Variants in MCM9 observed in about 807,000 individuals in gnomAD.
The protein encoded by MCM9 is DNA helicase MCM9.
In MCM9, 55 loss-of-function variants were observed where a neutral mutation model predicts 72.8. The ratio of observed to expected loss-of-function variants is 0.76; its 90% CI spans 0.61 to 0.95. MCM9 has a LOEUF of 0.95. Ranked by LOEUF, MCM9 falls within the 40% of genes least tolerant of loss-of-function variation. The pLI, the probability that MCM9 is intolerant of heterozygous loss-of-function variation, is 0.00. For synonymous variants in MCM9, 480 were observed against 503.4 expected, an observed-to-expected ratio of 0.95 and a Z score of 0.62; for missense variants, 1,279 against 1,377.0, an observed-to-expected ratio of 0.93 and a Z score of 1.13.
At chr6:118,819,901 T>C (rs919432939) in intron 13 of MCM9, among the ~76,000 whole-genome samples, 9 of 152,238 alleles carry the variant, frequency 5.9e-5, no homozygotes, top group African/African-American at 1.4e-4. Flanking sequence ...TTCTAACTTA[T>C]CTGCATAGAG....
chr6:118,859,008 G>A (rs1309810707), intron 8 of MCM9, among the ~76,000 whole-genome samples: 1 of 152,160 alleles, frequency 6.6e-6, no homozygotes, highest in East Asian at 1.9e-4. Context: ...GGTCTCACAT[G>A]ACATACTACA....
chr6:118,880,860 T>C (rs879655169), intron 8 of MCM9, among the ~76,000 whole-genome samples: 14 of 152,218 alleles, frequency 9.2e-5, no homozygotes, highest in Non-Finnish European at 1.9e-4. Flanking sequence ...CAAAGCATAG[T>C]AGTCTCTCCT....
intron 8 of MCM9, 190 bp downstream of exon 8, chr6:118,911,460 G>C: frequency 7.6e-7 from 1 of 1,307,930 alleles, no homozygotes; most frequent in Non-Finnish European, 9.7e-7. Flanking sequence ...AAGATGCAAA[G>C]TGAAGGTGGA....
At chr6:118,853,964 T>C (rs1562411423) in intron 9 of MCM9, among the ~76,000 whole-genome samples, 1 of 152,228 alleles carries the variant, frequency 6.6e-6, no homozygotes, top group East Asian at 1.9e-4. Context: ...AAATGTAGAA[T>C]AGATTTTGCT....
intron 8 of MCM9, among the ~76,000 whole-genome samples, chr6:118,896,858 C>CA (rs775408360): frequency 2.6e-5 from 4 of 151,066 alleles, no homozygotes; most frequent in Admixed American, 6.6e-5. Context: ...TTAAATGAGA[C>CA]AGTGTTGCTC....
intron 9 of MCM9, among the ~76,000 whole-genome samples, chr6:118,841,312 G>A (rs1775348326): frequency 6.6e-6 from 1 of 152,128 alleles, no homozygotes; most frequent in East Asian, 1.9e-4. Flanking sequence ...CCCCCTAGGG[G>A]TCAGGGACCA....
At chr6:118,818,689 A>G (rs1773579200) in intron 13 of MCM9, among the ~76,000 whole-genome samples, 1 of 152,188 alleles carries the variant, frequency 6.6e-6, no homozygotes, top group Non-Finnish European at 1.5e-5. Flanking sequence ...CTTGATGGGA[A>G]TAGCATTGAA....
chr6:118,854,049 A>G (rs1050536769), intron 9 of MCM9, among the ~76,000 whole-genome samples: 1 of 152,160 alleles, frequency 6.6e-6, no homozygotes. Flanking sequence ...CCAGTTGTTC[A>G]CTGCTAGCAA....
In MCM9 at chr6:118,934,928, G is replaced by A. The variant is rs891608112; in HGVS notation, c.-187C>T. On this transcript the variant is annotated 5_prime_UTR_variant, in exon 1 of 14. Transcript: ENST00000619706. Reference sequence around the variant, plus strand: ...AAGTCGCCGGGAACGCGTTGCTCCCGAGGCCGAAGGGCCCAGAGAGCTCCA... The same window carrying A: ...AAGTCGCCGGGAACGCGTTGCTCCCAAGGCCGAAGGGCCCAGAGAGCTCCA... 10 of 152,228 alleles carry A rather than the reference G, an allele frequency of 6.6e-5. No individual in the cohort carries two copies. The highest frequency in any genetic ancestry group is 3.9e-4 in the East Asian group (2 of 5,194). 9.4% of individuals were successfully genotyped at this position (152,228 alleles called of 1,614,324 possible). A position where few individuals can be genotyped will look rare whatever the true frequency, so the allele number is the denominator to read the frequency against.
chr6:118,911,939 T>A (rs1780585266), intron 7 of MCM9, 170 bp from the exon 8 acceptor site: 3 of 495,924 alleles, frequency 6.0e-6, no homozygotes, highest in Non-Finnish European at 1.1e-5. Flanking sequence ...AGTCCTTAAT[T>A]GATTACTCAA....
intron 13 of MCM9, among the ~76,000 whole-genome samples, chr6:118,821,439 A>T (rs1773800963): frequency 6.6e-6 from 1 of 152,142 alleles, no homozygotes; most frequent in Non-Finnish European, 1.5e-5. Flanking sequence ...AAGAATTTTG[A>T]ATATTGGCCC....
intron 8 of MCM9, among the ~76,000 whole-genome samples, chr6:118,885,870 A>G (rs1018499559): frequency 7.2e-5 from 11 of 152,176 alleles, no homozygotes; most frequent in Non-Finnish European, 1.0e-4. Flanking sequence ...CCAGAATACT[A>G]AAGATCAATA....
In MCM9 at chr6:118,826,773, T is replaced by C; in HGVS notation, c.1815+9A>G. ...TAGGATAAAAATTAGGTACACAAAA[T>C]ATCCTTACCTGCATTGAGGACTCCA... On this transcript the variant is annotated intron_variant, in intron 12 of 13. Transcript: ENST00000619706. 1 of 1,537,408 alleles carries C rather than the reference T, an allele frequency of 6.5e-7. No homozygotes were observed. Among genetic ancestry groups the C allele is most frequent in the Non-Finnish European group, 8.8e-7 (1 of 1,141,534 alleles).
chr6:118,851,986 T>C (rs1376944312), intron 9 of MCM9, among the ~76,000 whole-genome samples: 1 of 152,190 alleles, frequency 6.6e-6, no homozygotes, highest in African/African-American at 2.4e-5. Context: ...CAATGCATCA[T>C]AAGGCGATCT....
intron 6 of MCM9, among the ~76,000 whole-genome samples, chr6:118,916,682 A>G (rs1415046303): frequency 6.6e-6 from 1 of 151,774 alleles, no homozygotes; most frequent in Non-Finnish European, 1.5e-5. Context: ...TTGTATTTTT[A>G]ATAGAGACAG....
intron 9 of MCM9, among the ~76,000 whole-genome samples, chr6:118,837,913 T>C (rs1197393616): frequency 2.0e-5 from 3 of 152,130 alleles, no homozygotes; most frequent in Non-Finnish European, 4.4e-5. Flanking sequence ...TGATGCTAGC[T>C]GGTTATTTTG....
At chr6:118,835,028 A>G (rs1045135894) in intron 9 of MCM9, among the ~76,000 whole-genome samples, 1 of 152,110 alleles carries the variant, frequency 6.6e-6, no homozygotes. Flanking sequence ...TTTTTGTATA[A>G]GGTGTAAGGA....
intron 8 of MCM9, among the ~76,000 whole-genome samples, chr6:118,890,381 T>C (rs1227793395): frequency 6.6e-6 from 1 of 152,228 alleles, no homozygotes; most frequent in Non-Finnish European, 1.5e-5. Flanking sequence ...GATGATATCT[T>C]ACCCTCCTGC....
intron 9 of MCM9, among the ~76,000 whole-genome samples, chr6:118,830,133 G>T (rs940270614): frequency 6.6e-6 from 1 of 152,168 alleles, no homozygotes; most frequent in African/African-American, 2.4e-5. Flanking sequence ...ACTAATTAAT[G>T]ATGGGCTAGT....
Sources: gnomAD v4.1 joint callset for allele counts (sites outside exome capture counted in the v4.1 genomes callset) on GRCh38, gnomAD v4.1.1 for gene constraint, MANE v1.5 for transcripts, NCBI Gene and HGNC (gene_info 2026-07-23, HGNC 2026-07-21) for gene names.